Variants in ZRANB3 observed in about 807,000 individuals in gnomAD.
ZRANB3 encodes DNA annealing helicase and endonuclease ZRANB3.
In ZRANB3, 125 loss-of-function variants were observed where a neutral mutation model predicts 133.8. The observed-to-expected ratio is 0.93, with a 90% CI of 0.81 to 1.08. The LOEUF is 1.08. Ranked by LOEUF, ZRANB3 falls within the 50% of genes least tolerant of loss-of-function variation. ZRANB3 has a pLI of 0.00. For synonymous variants in ZRANB3, 387 were observed against 432.7 expected (o/e 0.89, Z 1.31); for missense variants, 1,229 against 1,275.5 (o/e 0.96, Z 0.56).
At chr2:135,391,944 T>G (rs1039861898) in intron 2 of ZRANB3, among the ~76,000 whole-genome samples, 1 of 152,126 alleles carries the variant, frequency 6.6e-6, no homozygotes, top group Non-Finnish European at 1.5e-5. Context: ...TTAACCTGTA[T>G]AAATAAATTC....
chr2:135,507,205 T>C (rs1366100812), intron 1 of ZRANB3, among the ~76,000 whole-genome samples: 2 of 152,112 alleles, frequency 1.3e-5, no homozygotes, highest in African/African-American at 4.8e-5. Flanking sequence ...AGTGATGCAA[T>C]TGGCTGGGAT....
intron 15 of ZRANB3, 116 bp downstream of exon 15, chr2:135,224,310 T>C (rs1694671036): frequency 2.5e-6 from 2 of 799,598 alleles, no homozygotes; most frequent in African/African-American, 3.5e-5. Context: ...GAATTAGCTT[T>C]GAGGAAAATA....
intron 12 of ZRANB3, among the ~76,000 whole-genome samples, chr2:135,237,384 G>C (rs201231705): frequency 6.6e-6 from 1 of 151,878 alleles, no homozygotes; most frequent in East Asian, 1.9e-4. Flanking sequence ...TCAGTGTGGT[G>C]ATTCCTCAGG....
chr2:135,420,091 T>TTATATAGATATATATATATATATA, intron 2 of ZRANB3, among the ~76,000 whole-genome samples: 1 of 72,484 alleles, frequency 1.4e-5, no homozygotes, highest in South Asian at 5.8e-4. Context: ...TATCTTAGAT[T>TTATATAGATATATATATATATATA]TATATATATA....
intron 3 of ZRANB3, among the ~76,000 whole-genome samples, chr2:135,386,561 T>C (rs1262274713): frequency 6.6e-6 from 1 of 152,200 alleles, no homozygotes; most frequent in Non-Finnish European, 1.5e-5. Context: ...ACTGGGGCAC[T>C]ATTCACAATA....
At chr2:135,451,388 C>T (rs1342714757) in intron 2 of ZRANB3, among the ~76,000 whole-genome samples, 1 of 151,732 alleles carries the variant, frequency 6.6e-6, no homozygotes, top group Admixed American at 6.6e-5. Flanking sequence ...ATGGAGAAAC[C>T]CCGTCTCTAC....
At chr2:135,234,459 A>G (rs1432264723) in intron 12 of ZRANB3, among the ~76,000 whole-genome samples, 1 of 152,228 alleles carries the variant, frequency 6.6e-6, no homozygotes, top group Non-Finnish European at 1.5e-5. Flanking sequence ...AGACATCTAT[A>G]GAACTCTCCA....
chr2:135,214,162 C>T (rs1348470189), intron 17 of ZRANB3, among the ~76,000 whole-genome samples: 1 of 152,170 alleles, frequency 6.6e-6, no homozygotes, highest in African/African-American at 2.4e-5. Context: ...TAATAGCCAA[C>T]TTGGACTTCT....
intron 2 of ZRANB3, among the ~76,000 whole-genome samples, chr2:135,497,336 T>C (rs900854498): frequency 1.3e-5 from 2 of 152,174 alleles, no homozygotes; most frequent in African/African-American, 4.8e-5. Flanking sequence ...TACCAGAATA[T>C]TTATTATAAA....
Position 135,464,074 on chromosome 2 carries a change from G to A in ZRANB3, c.161+40255C>T, listed in dbSNP as rs184140833. ...ACAGGTTGAATAGTAAAATCTCAAG[G>A]ATCAAGGATGTGCTATGGTCAATTT... On this transcript the variant is annotated intron_variant, in intron 2 of 20. Coordinates refer to ENST00000264159, the MANE Select transcript of ZRANB3 (RefSeq NM_032143.4). Among the ~76,000 whole-genome samples, 115 of 152,244 alleles carry A rather than the reference G, an allele frequency of 7.6e-4. 3 individuals are homozygous for A. The highest frequency in any genetic ancestry group is 6.5e-3 in the Admixed American group (99 of 15,296).
intron 2 of ZRANB3, among the ~76,000 whole-genome samples, chr2:135,478,378 A>G (rs1423980236): frequency 6.6e-6 from 1 of 152,084 alleles, no homozygotes; most frequent in Non-Finnish European, 1.5e-5. Context: ...ACAGAATATT[A>G]TCAGCACCCC....
intron 8 of ZRANB3, among the ~76,000 whole-genome samples, chr2:135,286,797 T>C (rs1681394796): frequency 6.6e-6 from 1 of 152,186 alleles, no homozygotes; most frequent in Non-Finnish European, 1.5e-5. Context: ...CTTGTTTGAG[T>C]TCCTTGTAGA....
intron 2 of ZRANB3, among the ~76,000 whole-genome samples, chr2:135,486,121 T>C (rs1200514679): frequency 6.6e-6 from 1 of 152,176 alleles, no homozygotes; most frequent in African/African-American, 2.4e-5. Context: ...GGCAATTTCT[T>C]GAAAATAAGG....
At chr2:135,337,473 T>C (rs1684418675) in intron 6 of ZRANB3, among the ~76,000 whole-genome samples, 2 of 152,184 alleles carry the variant, frequency 1.3e-5, no homozygotes, top group Admixed American at 1.3e-4. Flanking sequence ...GGTAGACAAC[T>C]AACAGTGTTA....
chr2:135,442,026 C>A (rs1168130572), intron 2 of ZRANB3, among the ~76,000 whole-genome samples: 1 of 152,058 alleles, frequency 6.6e-6, no homozygotes, highest in East Asian at 1.9e-4. Context: ...CTTCCTTACA[C>A]CTTATATAAA....
Position 135,227,832 on chromosome 2 carries a change from A to T in ZRANB3, c.2138T>A (p.Leu713His). Residue 713 changes from leucine to histidine, a missense_variant, in exon 14 of 21, where the codon CTT becomes CAT. By Grantham distance (99) the Leu-to-His change is moderately conservative. Transcript: ENST00000264159. The part of the protein sequence containing the change: ...ETPKIEKEDG[L>H]TSQPGNEQWK... Reference sequence around the variant, plus strand: ...CTTACCATTACCTGGCTGGGATGTAAGTCCGTCTTCTTTCTCAATTTTTGG... The same window carrying T: ...CTTACCATTACCTGGCTGGGATGTATGTCCGTCTTCTTTCTCAATTTTTGG... 2.5e-6 allele frequency: 4 copies of T among 1,575,798 alleles called. No individual in the cohort carries two copies. Among genetic ancestry groups the T allele is most frequent in the South Asian group, 1.2e-5 (1 of 85,686 alleles).
chr2:135,417,975 G>A (rs1025717672), intron 2 of ZRANB3, among the ~76,000 whole-genome samples: 14 of 152,124 alleles, frequency 9.2e-5, no homozygotes, highest in Non-Finnish European at 1.3e-4. Flanking sequence ...TGGGGGAAGC[G>A]GGGAGGGATA....
At chr2:135,462,950 C>G (rs1433373705) in intron 2 of ZRANB3, among the ~76,000 whole-genome samples, 1 of 152,164 alleles carries the variant, frequency 6.6e-6, no homozygotes, top group African/African-American at 2.4e-5. Flanking sequence ...AATAACTCTT[C>G]CCTCCTCAGA....
At chr2:135,329,364 G>A (rs1684020021) in intron 6 of ZRANB3, among the ~76,000 whole-genome samples, 1 of 152,154 alleles carries the variant, frequency 6.6e-6, no homozygotes, top group Non-Finnish European at 1.5e-5. Flanking sequence ...AGATCAGATG[G>A]TTGTAGATGT....
Sources: gnomAD v4.1 joint callset for allele counts (sites outside exome capture counted in the v4.1 genomes callset) on GRCh38, gnomAD v4.1.1 for gene constraint, MANE v1.5 for transcripts, NCBI Gene and HGNC (gene_info 2026-07-23, HGNC 2026-07-21) for gene names.